The following CALCRL variants were observed in gnomAD, a reference collection of about 807,000 sequenced individuals.
CALCRL encodes the protein calcitonin gene-related peptide type 1 receptor.
Under a neutral mutation model 60.4 loss-of-function variants are expected in CALCRL, and 27 were observed. That is an observed-to-expected ratio of 0.45 (90% confidence interval 0.33 to 0.62). The LOEUF (loss-of-function observed/expected upper bound fraction) is 0.62. Among genes scored for constraint, CALCRL ranks in the 20% least tolerant of loss-of-function variants. The pLI is 0.03. For missense variants in CALCRL, 424 were observed against 540.7 expected (o/e 0.78, Z 2.14); for synonymous variants, 190 against 182.6 (o/e 1.04, Z -0.33).
chr2:187,373,118 T>A lies in CALCRL; in HGVS notation c.500+5822A>T, dbSNP rs151167669. ...CCTATATGTAAGCTTCAAAGCCAGT[T>A]CATGTCTTCATTCCTTAAAAATTTA... On this transcript the variant is annotated intron_variant, in intron 8 of 14. Transcript: ENST00000392370. 1.7e-3 allele frequency among the ~76,000 whole-genome samples: 254 copies of A among 152,282 alleles called. 1 individual carries two copies. The highest frequency in any genetic ancestry group is 5.8e-3 in the African/African-American group (239 of 41,560).
intron 1 of CALCRL, chr2:187,442,137 CACACACACATACAT>C (rs1351674519): frequency 3.4e-5 from 5 of 146,354 alleles, no homozygotes; most frequent in Non-Finnish European, 7.5e-5. Context: ...TACATACATA[CACACACACATACAT>C]ACACACACAT....
At chr2:187,406,977 AT>A (rs1345427980) in intron 1 of CALCRL, among the ~76,000 whole-genome samples, 4 of 152,032 alleles carry the variant, frequency 2.6e-5, no homozygotes, top group Non-Finnish European at 5.9e-5. Context: ...AAAAAACCTT[AT>A]TTGAACTCAT....
In CALCRL at chr2:187,352,276, A is replaced by G. The variant is rs147308261; in HGVS notation, c.966T>C (p.Val322=). The change falls in exon 13 of 15, where the codon GTT becomes GTC. Residue 322 remains valine (V), a synonymous_variant. Transcript: ENST00000392370. ...ACAGATTGGATTCCGCTTGGTGTGT[A>G]ACTTTTAACTTGGTGATGAGAACGC... ...IVRVLITKLK[V]THQAESNLYM... 2 of 1,612,180 alleles carry G rather than the reference A, an allele frequency of 1.2e-6. No individual in the cohort carries two copies. The highest frequency in any genetic ancestry group is 2.7e-5 in the African/African-American group (2 of 74,796).
At chr2:187,357,736 G>A (rs1686860318) in intron 12 of CALCRL, among the ~76,000 whole-genome samples, 1 of 151,248 alleles carries the variant, frequency 6.6e-6, no homozygotes, top group Admixed American at 6.6e-5. Flanking sequence ...CATGGCACAT[G>A]TATACATATG....
chr2:187,386,413 T>C (rs984494565), intron 3 of CALCRL, among the ~76,000 whole-genome samples: 1 of 152,176 alleles, frequency 6.6e-6, no homozygotes, highest in African/African-American at 2.4e-5. Context: ...ATAGAAATTA[T>C]TCTTCACTAC....
At chr2:187,445,387 T>C (rs987816378) in intron 1 of CALCRL, among the ~76,000 whole-genome samples, 1 of 151,776 alleles carries the variant, frequency 6.6e-6, no homozygotes, top group Admixed American at 6.6e-5. Flanking sequence ...ACCAGAATTA[T>C]TTGATAAAGC....
chr2:187,399,195 A>G (rs2105819235), intron 1 of CALCRL, among the ~76,000 whole-genome samples: 1 of 151,760 alleles, frequency 6.6e-6, no homozygotes, highest in Admixed American at 6.6e-5. Flanking sequence ...TCACAAAAGA[A>G]GAACATCATC....
At chr2:187,404,299 A>G (rs1207231428) in intron 1 of CALCRL, among the ~76,000 whole-genome samples, 2 of 151,918 alleles carry the variant, frequency 1.3e-5, no homozygotes, top group African/African-American at 4.8e-5. Flanking sequence ...CCCTGAAGAA[A>G]CTAAAGAAGC....
chr2:187,398,005 G>A (rs1462543086), intron 1 of CALCRL, among the ~76,000 whole-genome samples: 3 of 151,522 alleles, frequency 2.0e-5, no homozygotes, highest in Non-Finnish European at 3.0e-5. Flanking sequence ...ACTTACTCAC[G>A]GGACTGATTT....
At chr2:187,350,918 G>A (rs1686501502) in intron 14 of CALCRL, among the ~76,000 whole-genome samples, 1 of 151,548 alleles carries the variant, frequency 6.6e-6, no homozygotes, top group Admixed American at 6.6e-5. Context: ...AAATTGTGTC[G>A]AGCAGATTAA....
Position 187,363,417 on chromosome 2 carries a change from T to G in CALCRL, c.586A>C (p.Thr196Pro), listed in dbSNP as rs1344866062. The change falls in exon 9 of 15, where the codon ACT (threonine) becomes CCT (proline). Residue 196 changes from threonine to proline, a missense_variant. Coordinates refer to ENST00000392370, the MANE Select transcript of CALCRL (RefSeq NM_005795.6). ...AAGGCCTGGTTGTTGGCCACTGCAG[T>G]GAGGTGAATGATTGTTACAACAGAG... ...CNSVVTIIHL[T>P]AVANNQALVA... The G allele has an allele frequency of 6.2e-7, 1 of 1,612,342 alleles. No homozygotes were observed. Among genetic ancestry groups the G allele is most frequent in the Non-Finnish European group, 8.5e-7 (1 of 1,179,150 alleles).
At chr2:187,371,693 G>A (rs958580189) in intron 8 of CALCRL, among the ~76,000 whole-genome samples, 1 of 151,704 alleles carries the variant, frequency 6.6e-6, no homozygotes, top group Middle Eastern at 3.4e-3. Context: ...CCAAGATCCC[G>A]CCACTGCACT....
At chr2:187,417,603 T>A (rs2882203) in intron 1 of CALCRL, among the ~76,000 whole-genome samples, 57,399 of 151,842 alleles carry the variant, frequency 0.38, 11,036 homozygotes, top group Middle Eastern at 0.46. Flanking sequence ...AACCTGAAAG[T>A]TGATTAAAGA....
chr2:187,416,688 G>A (rs1463929504), intron 1 of CALCRL, among the ~76,000 whole-genome samples: 1 of 152,066 alleles, frequency 6.6e-6, no homozygotes, highest in African/African-American at 2.4e-5. Flanking sequence ...TTTCTAGGAA[G>A]AAATGCTATT....
At chr2:187,439,029 A>G (rs1201363500) in intron 1 of CALCRL, among the ~76,000 whole-genome samples, 2 of 152,230 alleles carry the variant, frequency 1.3e-5, no homozygotes, top group African/African-American at 4.8e-5. Flanking sequence ...TAGTATAAAG[A>G]AACATTCATT....
At chr2:187,444,583 T>A (rs1310560089) in intron 1 of CALCRL, among the ~76,000 whole-genome samples, 1 of 151,502 alleles carries the variant, frequency 6.6e-6, no homozygotes, top group Non-Finnish European at 1.5e-5. Context: ...AACAAACTAA[T>A]TGAAGAAAAA....
At chr2:187,352,943 A>G (rs545165571) in intron 12 of CALCRL, among the ~76,000 whole-genome samples, 12 of 151,944 alleles carry the variant, frequency 7.9e-5, no homozygotes, top group African/African-American at 2.9e-4. Context: ...AAATAATTTG[A>G]CATTCTATAA....
chr2:187,367,383 C>T (rs1026333305), intron 8 of CALCRL, among the ~76,000 whole-genome samples: 1 of 152,078 alleles, frequency 6.6e-6, no homozygotes, highest in African/African-American at 2.4e-5. Context: ...AGGCACTGTG[C>T]AACTTAAACA....
chr2:187,410,992 A>G (rs1689332307), intron 1 of CALCRL, among the ~76,000 whole-genome samples: 1 of 152,196 alleles, frequency 6.6e-6, no homozygotes, highest in Non-Finnish European at 1.5e-5. Flanking sequence ...AATAAATAAA[A>G]GACTCATTAT....
Sources: gnomAD v4.1 joint callset for allele counts (sites outside exome capture counted in the v4.1 genomes callset) on GRCh38, gnomAD v4.1.1 for gene constraint, MANE v1.5 for transcripts, NCBI Gene and HGNC (gene_info 2026-07-23, HGNC 2026-07-21) for gene names.